ADGRB3: variants seen among roughly 807,000 people sequenced by gnomAD.
The protein encoded by ADGRB3 is adhesion G protein-coupled receptor B3.
Under a neutral mutation model 193.4 loss-of-function variants are expected in ADGRB3, and 37 were observed. That is an observed-to-expected ratio of 0.19 (90% confidence interval 0.15 to 0.25). ADGRB3 has a LOEUF of 0.25. ADGRB3 is among the 10% of genes least tolerant of loss of function. The pLI is 1.00. For synonymous variants in ADGRB3, 690 were observed against 644.2 expected (o/e 1.07, Z -1.08); for missense variants, 1,637 against 1,852.9 (o/e 0.88, Z 2.14).
At chr6:69,200,972 T>G (rs1429451227) in intron 17 of ADGRB3, among the ~76,000 whole-genome samples, 1 of 152,128 alleles carries the variant, frequency 6.6e-6, no homozygotes, top group African/African-American at 2.4e-5. Flanking sequence ...ATAAATTTAT[T>G]TAATAAGCAA....
At chr6:69,232,631 T>C (rs1337874385) in intron 17 of ADGRB3, 1 of 1,535,088 alleles carries the variant, frequency 6.5e-7, no homozygotes, top group South Asian at 1.2e-5. Context: ...GAAGCTTAGG[T>C]CTGAAACCCA....
chr6:68,712,943 T>C (rs1234366639), intron 3 of ADGRB3, among the ~76,000 whole-genome samples: 1 of 151,954 alleles, frequency 6.6e-6, no homozygotes, highest in Non-Finnish European at 1.5e-5. Flanking sequence ...TGGAACTTTA[T>C]AGATTTTGGT....
intron 3 of ADGRB3, among the ~76,000 whole-genome samples, chr6:68,784,660 T>A (rs1020463884): frequency 3.9e-5 from 6 of 152,134 alleles, no homozygotes; most frequent in Non-Finnish European, 7.4e-5. Flanking sequence ...AAACTTAGCT[T>A]CACCTTGTTT....
chr6:68,747,938 G>A (rs1240748003), intron 3 of ADGRB3, among the ~76,000 whole-genome samples: 2 of 152,084 alleles, frequency 1.3e-5, no homozygotes, highest in Non-Finnish European at 2.9e-5. Flanking sequence ...GAGGTGAAAG[G>A]CACTTCTTAC....
Position 69,137,165 on chromosome 6 carries a change from A to G in ADGRB3, c.2480+61127A>G, listed in dbSNP as rs541879443. ...TAACTCCTGCATTTTGTGAGTTTCA[A>G]CGTGGAATCTTAATGCAAACATTTA... On this transcript the variant is annotated intron_variant, in intron 17 of 31. Transcript: ENST00000370598. Among the ~76,000 whole-genome samples the G allele has an allele frequency of 6.6e-5, 10 of 150,526 alleles. No homozygotes were observed. The South Asian group carries it at 1.0e-3, about 16-fold the overall frequency.
Position 69,376,539 on chromosome 6 carries a change from C to T in ADGRB3, c.4275+4098C>T, listed in dbSNP as rs546900000. Among the ~76,000 whole-genome samples the T allele has an allele frequency of 6.4e-4, 97 of 152,106 alleles. 1 individual carries two copies. Among genetic ancestry groups the T allele is most frequent in the African/African-American group, 2.2e-3 (92 of 41,522 alleles). On this transcript the variant is annotated intron_variant, in intron 30 of 31. Transcript: ENST00000370598. ...AGAAGACACAGACACAGGGTAATCACAAATCCCCATTTTCATGGGGGCTTG... is the reference window on the plus strand; with the variant it reads ...AGAAGACACAGACACAGGGTAATCATAAATCCCCATTTTCATGGGGGCTTG...
At chr6:69,188,447 T>C (rs938315086) in intron 17 of ADGRB3, among the ~76,000 whole-genome samples, 4 of 152,124 alleles carry the variant, frequency 2.6e-5, no homozygotes, top group Non-Finnish European at 5.9e-5. Flanking sequence ...TAACTAGGAT[T>C]ACAGGCACCC....
chr6:69,243,475 G>A (rs551961881), intron 20 of ADGRB3, among the ~76,000 whole-genome samples: 10 of 151,948 alleles, frequency 6.6e-5, no homozygotes, highest in African/African-American at 2.4e-4. Context: ...GACACAGAAT[G>A]ATTATGGATA....
At chr6:69,049,423 A>G in intron 15 of ADGRB3, 77 bp downstream of exon 15, 1 of 1,088,494 alleles carries the variant, frequency 9.2e-7, no homozygotes, top group Admixed American at 2.3e-5. Flanking sequence ...CTATAAAAAT[A>G]GTCAAACAAG....
At chr6:68,989,208 A>G (rs1178472290) in intron 10 of ADGRB3, among the ~76,000 whole-genome samples, 1 of 152,208 alleles carries the variant, frequency 6.6e-6, no homozygotes, top group Non-Finnish European at 1.5e-5. Context: ...TTAAAAGAAT[A>G]GGAAATATTT....
chr6:69,311,272 G>A (rs886406510), intron 20 of ADGRB3, among the ~76,000 whole-genome samples: 1 of 151,764 alleles, frequency 6.6e-6, no homozygotes, highest in South Asian at 2.1e-4. Context: ...CATAAAATGG[G>A]ATGGTGCATT....
chr6:68,794,276 G>A (rs528818537), intron 3 of ADGRB3, among the ~76,000 whole-genome samples: 2 of 151,874 alleles, frequency 1.3e-5, no homozygotes, highest in African/African-American at 2.4e-5. Flanking sequence ...GGAGAGCCAT[G>A]TGATGTTAAG....
At chr6:69,232,574 T>C (rs1766166719) in intron 17 of ADGRB3, 1 of 1,535,604 alleles carries the variant, frequency 6.5e-7, no homozygotes, top group East Asian at 2.4e-5. Context: ...GGGAAAGAAA[T>C]GTCAAGGACG....
chr6:69,208,824 A>G (rs1765595837), intron 17 of ADGRB3, among the ~76,000 whole-genome samples: 5 of 152,210 alleles, frequency 3.3e-5, no homozygotes, highest in Admixed American at 3.3e-4. Flanking sequence ...TTGATGATGG[A>G]ATGGTGCTAT....
intron 3 of ADGRB3, among the ~76,000 whole-genome samples, chr6:68,893,600 A>G (rs1480984646): frequency 1.3e-5 from 2 of 151,862 alleles, no homozygotes; most frequent in African/African-American, 2.4e-5. Context: ...GAAAAAAGAA[A>G]CAAAGAGGAG....
At chr6:68,952,770 TTTC>T (rs1226066054) in intron 6 of ADGRB3, among the ~76,000 whole-genome samples, 1 of 148,764 alleles carries the variant, frequency 6.7e-6, no homozygotes, top group African/African-American at 2.4e-5. Context: ...ATTTCATTAT[TTTC>T]TCTGTTACTG....
At chr6:69,106,613 A>C (rs759146495) in intron 17 of ADGRB3, among the ~76,000 whole-genome samples, 3 of 152,252 alleles carry the variant, frequency 2.0e-5, no homozygotes, top group African/African-American at 7.2e-5. Context: ...GGAGAATTCA[A>C]TGAATCCAGC....
chr6:68,707,197 C>G (rs1765340073), intron 3 of ADGRB3, among the ~76,000 whole-genome samples: 1 of 151,128 alleles, frequency 6.6e-6, no homozygotes, highest in Non-Finnish European at 1.5e-5. Context: ...TAAAAGTCAT[C>G]TTTTCATTTT....
chr6:69,185,986 T>C (rs1426428403), intron 17 of ADGRB3, among the ~76,000 whole-genome samples: 5 of 151,958 alleles, frequency 3.3e-5, no homozygotes, highest in African/African-American at 1.2e-4. Context: ...AAATCAGAGC[T>C]TTAGATTTGA....
Sources: allele counts gnomAD v4.1 joint callset (sites outside exome capture counted in the v4.1 genomes callset), GRCh38; gene constraint gnomAD v4.1.1; transcripts MANE v1.5; gene names NCBI Gene and HGNC (gene_info 2026-07-23, HGNC 2026-07-21).